MTCL1: variants seen among roughly 807,000 people sequenced by gnomAD.
The protein encoded by MTCL1 is microtubule cross-linking factor 1.
In MTCL1, 79 loss-of-function variants were observed where a neutral mutation model predicts 141.4. The ratio of observed to expected loss-of-function variants is 0.56; its 90% CI spans 0.47 to 0.67. MTCL1 has a LOEUF of 0.67. MTCL1 is among the 30% of genes least tolerant of loss of function. MTCL1 has a pLI of 0.00. For synonymous variants in MTCL1, 914 were observed against 875.8 expected (o/e 1.04, Z -0.77); for missense variants, 2,177 against 2,113.9 (o/e 1.03, Z -0.59).
In MTCL1 at chr18:8,783,938, C is replaced by T. The variant is rs145413531; in HGVS notation, c.826C>T (p.Arg276Cys). 3.8e-5 allele frequency: 62 copies of T among 1,613,506 alleles called. No homozygotes were observed. In the African/African-American group the frequency reaches 4.8e-4, roughly 13 times the overall value. The stretch of plus-strand genomic sequence containing the variant: ...CCTGGAGTCCTCCACTGAGCTCCGC[C>T]GCCACCTGCAGTTTGTAGAAGAGGA... The change falls in exon 6 of 17, where the codon CGC becomes TGC. Residue 276 changes from arginine to cysteine, a missense_variant. Physicochemically the swap from Arg to Cys is radical, Grantham distance 180. Transcript: ENST00000359865.
At chr18:8,731,417 T>C (rs186834347) in intron 4 of MTCL1, among the ~76,000 whole-genome samples, 17 of 150,530 alleles carry the variant, frequency 1.1e-4, no homozygotes, top group African/African-American at 3.9e-4. Flanking sequence ...GTACTAAAAA[T>C]ACAAAAATTA....
At chr18:8,799,748 G>A (rs1390269059) in intron 10 of MTCL1, among the ~76,000 whole-genome samples, 1 of 152,204 alleles carries the variant, frequency 6.6e-6, no homozygotes, top group Non-Finnish European at 1.5e-5. Context: ...TCACGCAGAT[G>A]CTCTGGACAA....
At chr18:8,809,393 A>G (rs2144165307) in intron 11 of MTCL1, 1 of 1,521,736 alleles carries the variant, frequency 6.6e-7, no homozygotes, top group East Asian at 2.5e-5. Flanking sequence ...TTTGAAAGGA[A>G]GTATGGAATG....
rs547540202 is a variant in MTCL1 at position 8,777,164 on chromosome 18, A to G, written c.358-669A>G. Among the ~76,000 whole-genome samples the G allele has an allele frequency of 4.1e-3, 623 of 152,330 alleles. 5 individuals are homozygous for G. Among genetic ancestry groups the G allele is most frequent in the Middle Eastern group, 0.024 (7 of 294 alleles). On this transcript the variant is annotated intron_variant, in intron 4 of 16. Transcript: ENST00000359865. Reference sequence around the variant, plus strand: ...GGCAAGAGAATGGCATGAACCCGGGAGGTGGAACTTGCAGTGAGCTGAGAT... The same window carrying G: ...GGCAAGAGAATGGCATGAACCCGGGGGGTGGAACTTGCAGTGAGCTGAGAT...
At chr18:8,728,436 C>T (rs1012593943) in intron 4 of MTCL1, among the ~76,000 whole-genome samples, 1 of 152,076 alleles carries the variant, frequency 6.6e-6, no homozygotes, top group African/African-American at 2.4e-5. Flanking sequence ...GGTCTGCTGT[C>T]AGCATAATTT....
chr18:8,719,928 A>G (rs1275192342), intron 3 of MTCL1: 1 of 161,404 alleles, frequency 6.2e-6, no homozygotes. Context: ...TATTATTCGA[A>G]TTTCTCGCTT....
chr18:8,709,133 G>A (rs1036185643), intron 1 of MTCL1, among the ~76,000 whole-genome samples: 24 of 152,146 alleles, frequency 1.6e-4, no homozygotes, highest in African/African-American at 5.5e-4. Context: ...GGTGGTTAGC[G>A]TGTGCCCTTT....
chr18:8,783,038 A>G (rs2096537958), intron 5 of MTCL1, among the ~76,000 whole-genome samples: 1 of 152,122 alleles, frequency 6.6e-6, no homozygotes, highest in South Asian at 2.1e-4. Flanking sequence ...GCCACTTTGA[A>G]AGAGGGAGGT....
At chr18:8,781,902 C>G (rs543748336) in intron 5 of MTCL1, among the ~76,000 whole-genome samples, 58 of 152,328 alleles carry the variant, frequency 3.8e-4, no homozygotes, top group Middle Eastern at 3.4e-3. Flanking sequence ...CGAGGACGCA[C>G]AGATAGCGCC....
chr18:8,783,425 T>G (rs2096539530), intron 5 of MTCL1, 105 bp from the exon 5 acceptor site: 3 of 1,045,996 alleles, frequency 2.9e-6, no homozygotes, highest in African/African-American at 3.2e-5. Context: ...AGATCGGTGT[T>G]TGATGTTTGT....
intron 7 of MTCL1, 187 bp downstream of exon 6, chr18:8,786,278 C>T (rs1284744570): frequency 4.0e-6 from 3 of 744,736 alleles, no homozygotes; most frequent in Non-Finnish European, 7.1e-6. Context: ...TGCGCAGGTG[C>T]CTGCGGTGAA....
rs1413253835 is a variant in MTCL1 at position 8,786,262 on chromosome 18, C to A, written c.1887+171C>A. 5.2e-6 allele frequency: 4 copies of A among 769,722 alleles called. No individual in the cohort carries two copies. In the African/African-American group the frequency reaches 6.8e-5, roughly 13 times the overall value. The allele number at this position is 769,722 out of a possible 1,614,324, so 47.7% of individuals were successfully genotyped here. Reference sequence around the variant, plus strand: ...ACCCATTTTGTGGCACTGGGACAGGCAGGTGTGCGCAGGTGCCTGCGGTGA... The same window carrying A: ...ACCCATTTTGTGGCACTGGGACAGGAAGGTGTGCGCAGGTGCCTGCGGTGA... On this transcript the variant is annotated intron_variant, in intron 7 of 16. Transcript: ENST00000359865.
At chr18:8,825,305 G>A in exon 15 of MTCL1, 1 of 1,541,336 alleles carries the variant, frequency 6.5e-7, no homozygotes, top group Non-Finnish European at 8.7e-7. Flanking sequence ...GTACCTCCCT[G>A]GGGTTTGCCT....
At chr18:8,813,165 G>A (rs567434652) in exon 12 of MTCL1, 42 of 1,613,720 alleles carry the variant, frequency 2.6e-5, no homozygotes, top group East Asian at 6.7e-5. Context: ...GGAACTTCTC[G>A]ACCGCCTGGA....
At chr18:8,785,345 C>T (rs765369436) in intron 6 of MTCL1, among the ~76,000 whole-genome samples, 4 of 152,208 alleles carry the variant, frequency 2.6e-5, no homozygotes, top group Admixed American at 6.5e-5. Flanking sequence ...GCAGCCCAGG[C>T]CCCCACTCCC....
rs1476831319 is a variant in MTCL1 at position 8,828,078 on chromosome 18, G to T, written c.4723-830G>T. Among the ~76,000 whole-genome samples, 1 of 152,268 alleles carries T rather than the reference G, an allele frequency of 6.6e-6. No homozygotes were observed. Among genetic ancestry groups the T allele is most frequent in the South Asian group, 2.1e-4 (1 of 4,814 alleles). On this transcript the variant is annotated intron_variant, in intron 15 of 16. Transcript: ENST00000359865. The surrounding 1 kb of genome is among the most constrained non-coding windows in gnomAD (Gnocchi z 5.2). ...GGAATTTTCCTCGTTCTAGATTCCA[G>T]TGGGATTGTTCTGAATTGATGTAAT...
chr18:8,793,761 G>A (rs550411458), intron 8 of MTCL1, among the ~76,000 whole-genome samples: 4 of 152,256 alleles, frequency 2.6e-5, no homozygotes, highest in Admixed American at 6.5e-5. Context: ...CTCTTCCCCC[G>A]TGTATTTGTT....
At chr18:8,751,378 C>CG (rs2096370473) in intron 4 of MTCL1, among the ~76,000 whole-genome samples, 1 of 152,106 alleles carries the variant, frequency 6.6e-6, no homozygotes, top group African/African-American at 2.4e-5. Flanking sequence ...AGGAGTGAAA[C>CG]GCGATGCTTG....
At chr18:8,712,656 T>C (rs1186392250), upstream of MTCL1, among the ~76,000 whole-genome samples, 2 of 152,232 alleles carry the variant, frequency 1.3e-5, no homozygotes, top group Non-Finnish European at 2.9e-5. Context: ...TGGCAGTTAA[T>C]GTAGACAAGG....
Sources: gnomAD v4.1 joint callset for allele counts (sites outside exome capture counted in the v4.1 genomes callset) on GRCh38, gnomAD v4.1.1 for gene constraint, Gnocchi (gnomAD v3.1) non-coding constraint, MANE v1.5 for transcripts, NCBI Gene and HGNC (gene_info 2026-07-23, HGNC 2026-07-21) for gene names.